Variants in IQGAP2 observed in about 807,000 individuals in gnomAD.
The protein encoded by IQGAP2 is IQ motif containing GTPase activating protein 2.
Under a neutral mutation model 201.3 loss-of-function variants are expected in IQGAP2, and 173 were observed. The observed-to-expected ratio is 0.86, with a 90% CI of 0.76 to 0.98. The LOEUF is 0.98. Ranked by LOEUF, IQGAP2 falls within the 50% of genes least tolerant of loss-of-function variation. The pLI is 0.00. For synonymous variants in IQGAP2, 675 were observed against 673.9 expected (o/e 1.00, Z -0.03); for missense variants, 1,687 against 1,864.8 (o/e 0.90, Z 1.76).
intron 2 of IQGAP2, among the ~76,000 whole-genome samples, chr5:76,529,627 C>T (rs1326677110): frequency 8.3e-6 from 1 of 120,130 alleles, no homozygotes; most frequent in African/African-American, 3.0e-5. Flanking sequence ...GACTCCCTCT[C>T]GGAATAATAA....
chr5:76,421,757 A>G (rs1751742606), intron 1 of IQGAP2, among the ~76,000 whole-genome samples: 1 of 152,256 alleles, frequency 6.6e-6, no homozygotes, highest in Admixed American at 6.5e-5. Context: ...GGTGACTTAA[A>G]TAGTGCATAG....
At chr5:76,651,695 G>T (rs992201925) in intron 17 of IQGAP2, among the ~76,000 whole-genome samples, 1 of 151,938 alleles carries the variant, frequency 6.6e-6, no homozygotes, top group Non-Finnish European at 1.5e-5. Context: ...ATAATCTTTT[G>T]TCCTTCCTGT....
Position 76,654,265 on chromosome 5 carries a change from A to G in IQGAP2, c.2244A>G (p.Arg748=). Residue 748 remains arginine, a synonymous_variant, in exon 19 of 36, where the codon AGA becomes AGG. Transcript: ENST00000274364. ...KSYLSRLQYF[R]DHNNEIVKIQ... ...ATCTTTCAAGACTACAGTATTTCAGAGATCATGTAAGAAAAATGCCTGTGG... is the reference window on the plus strand; with the variant it reads ...ATCTTTCAAGACTACAGTATTTCAGGGATCATGTAAGAAAAATGCCTGTGG... 2.5e-6 allele frequency: 4 copies of G among 1,602,114 alleles called. No homozygotes were observed. Among genetic ancestry groups the G allele is most frequent in the Non-Finnish European group, 2.6e-6 (3 of 1,172,166 alleles).
At chr5:76,553,852 G>A (rs907432414) in intron 2 of IQGAP2, among the ~76,000 whole-genome samples, 1 of 152,204 alleles carries the variant, frequency 6.6e-6, no homozygotes, top group Non-Finnish European at 1.5e-5. Context: ...AAGAAGCAGT[G>A]AATGCAAGGA....
chr5:76,418,004 C>G (rs1284927157), intron 1 of IQGAP2, among the ~76,000 whole-genome samples: 2 of 150,970 alleles, frequency 1.3e-5, no homozygotes, highest in Non-Finnish European at 3.0e-5. Flanking sequence ...GTCAGGAGTT[C>G]AAGACCAGCC....
At chr5:76,625,764 C>G (rs1481281842) in intron 13 of IQGAP2, among the ~76,000 whole-genome samples, 1 of 152,202 alleles carries the variant, frequency 6.6e-6, no homozygotes, top group Non-Finnish European at 1.5e-5. Context: ...CTTCCTGCCC[C>G]CATCCATCTT....
chr5:76,640,831 G>T (rs759834162), intron 16 of IQGAP2, 102 bp from the exon 17 acceptor site: 21 of 852,772 alleles, frequency 2.5e-5, no homozygotes, highest in Non-Finnish European at 3.7e-5. Context: ...GCCAAAAGGA[G>T]ACATCCATAT....
chr5:76,645,043 C>T (rs1213387347), intron 17 of IQGAP2, among the ~76,000 whole-genome samples: 7 of 152,216 alleles, frequency 4.6e-5, no homozygotes, highest in Admixed American at 3.9e-4. Context: ...TGTTCCCCTC[C>T]CTGTGTCCAT....
At chr5:76,490,970 G>A (rs1293980446) in intron 2 of IQGAP2, among the ~76,000 whole-genome samples, 1 of 149,802 alleles carries the variant, frequency 6.7e-6, no homozygotes, top group African/African-American at 2.5e-5. Context: ...AGAATATGTA[G>A]CATTGGAGAT....
chr5:76,424,371 G>C (rs569252268), intron 1 of IQGAP2, among the ~76,000 whole-genome samples: 1 of 151,992 alleles, frequency 6.6e-6, no homozygotes, highest in African/African-American at 2.4e-5. Flanking sequence ...GCAATGGCAC[G>C]ATCTTGGCTC....
chr5:76,677,612 A>T, intron 28 of IQGAP2: 1 of 290,208 alleles, frequency 3.4e-6, no homozygotes, highest in Non-Finnish European at 6.3e-6. Context: ...AAGAAAGTGT[A>T]CTTTTGGCAT....
intron 2 of IQGAP2, among the ~76,000 whole-genome samples, chr5:76,520,776 C>T (rs1398233346): frequency 1.4e-5 from 2 of 144,120 alleles, no homozygotes; most frequent in African/African-American, 2.6e-5. Flanking sequence ...GGCACGATCT[C>T]GGCTCACTGC....
At chr5:76,604,480 A>G (rs1039641833) in intron 11 of IQGAP2, among the ~76,000 whole-genome samples, 36 of 151,976 alleles carry the variant, frequency 2.4e-4, no homozygotes, top group African/African-American at 8.2e-4. Flanking sequence ...ATTTATAATC[A>G]TATAATGGGA....
chr5:76,483,600 C>T (rs936966454), intron 2 of IQGAP2, among the ~76,000 whole-genome samples: 21 of 152,146 alleles, frequency 1.4e-4, no homozygotes, highest in South Asian at 2.1e-4. Flanking sequence ...TGGGTGTTTT[C>T]GAGTCAAGCA....
At chr5:76,678,894 A>C (rs1745055243) in intron 28 of IQGAP2, among the ~76,000 whole-genome samples, 1 of 152,196 alleles carries the variant, frequency 6.6e-6, no homozygotes, top group South Asian at 2.1e-4. Context: ...TTCTTCTTTC[A>C]GGGTTGAAAC....
intron 22 of IQGAP2, among the ~76,000 whole-genome samples, chr5:76,667,175 C>G (rs910623092): frequency 6.1e-5 from 9 of 147,278 alleles, no homozygotes; most frequent in African/African-American, 2.2e-4. Context: ...AGGCATCTTT[C>G]TTTAGTTATA....
chr5:76,676,077 T>TCTCACACACACA (rs35972592), intron 27 of IQGAP2, among the ~76,000 whole-genome samples: 2 of 135,670 alleles, frequency 1.5e-5, no homozygotes, highest in African/African-American at 2.8e-5. Context: ...TAAGACTCTG[T>TCTCACACACACA]CACACACACA....
intron 5 of IQGAP2, among the ~76,000 whole-genome samples, chr5:76,577,294 T>C (rs191296506): frequency 2.0e-5 from 3 of 152,346 alleles, no homozygotes; most frequent in African/African-American, 2.4e-5. Flanking sequence ...CATGTGTATT[T>C]GCCATGGTTT....
chr5:76,472,702 T>C (rs777515675), intron 2 of IQGAP2, among the ~76,000 whole-genome samples: 2 of 152,240 alleles, frequency 1.3e-5, no homozygotes, highest in African/African-American at 2.4e-5. Context: ...TCGGGTATGT[T>C]CTGACAGATG....
Sources: allele counts gnomAD v4.1 joint callset (sites outside exome capture counted in the v4.1 genomes callset), GRCh38; gene constraint gnomAD v4.1.1; transcripts MANE v1.5; gene names NCBI Gene and HGNC (gene_info 2026-07-23, HGNC 2026-07-21).